Variants in FAT3 observed in about 807,000 individuals in gnomAD.
FAT3 encodes the protein protocadherin Fat 3.
In FAT3, 95 loss-of-function variants were observed where a neutral mutation model predicts 310.2. The observed-to-expected ratio is 0.31, with a 90% CI of 0.26 to 0.36. FAT3 has a LOEUF of 0.36. FAT3 is among the 10% of genes least tolerant of loss of function. FAT3 has a pLI of 1.00. For missense variants in FAT3, 5,408 were observed against 5,715.6 expected (o/e 0.95, Z 1.74); for synonymous variants, 2,314 against 2,192.9 (o/e 1.06, Z -1.54).
intron 2 of FAT3, among the ~76,000 whole-genome samples, chr11:92,390,499 T>A (rs1298202513): frequency 1.3e-5 from 2 of 152,124 alleles, no homozygotes; most frequent in Non-Finnish European, 2.9e-5. Flanking sequence ...CACCATCACT[T>A]ACCATGCCTT....
chr11:92,781,054 CT>C (rs60285736), intron 7 of FAT3, among the ~76,000 whole-genome samples: 107,128 of 144,042 alleles, frequency 0.74, 41,352 homozygotes, highest in Non-Finnish European at 0.84. Flanking sequence ...TAATAAGGTT[CT>C]TTTTTTTCTT....
chr11:92,655,947 T>C (rs937203952), intron 3 of FAT3, among the ~76,000 whole-genome samples: 1 of 152,184 alleles, frequency 6.6e-6, no homozygotes, highest in East Asian at 1.9e-4. Flanking sequence ...TTACTGTAAC[T>C]GAAACTTAAG....
chr11:92,857,186 G>T (rs1949001919), intron 19 of FAT3, 28 bp from the exon 20 acceptor site: 4 of 1,613,762 alleles, frequency 2.5e-6, no homozygotes, highest in Non-Finnish European at 3.4e-6. Flanking sequence ...TTTGTGTACT[G>T]ATCATGCATA....
At chr11:92,225,320 C>G (rs1193354107) in intron 1 of FAT3, among the ~76,000 whole-genome samples, 146 bp downstream of exon 1, 2 of 152,134 alleles carry the variant, frequency 1.3e-5, no homozygotes, top group Non-Finnish European at 2.9e-5. Flanking sequence ...GTGGGGGAAA[C>G]TTTTCACCTT....
intron 3 of FAT3, among the ~76,000 whole-genome samples, chr11:92,588,605 T>C (rs1939270214): frequency 6.6e-6 from 1 of 152,072 alleles, no homozygotes; most frequent in Admixed American, 6.6e-5. Flanking sequence ...AAAATGGGTA[T>C]TTATTCTGCC....
intron 4 of FAT3, among the ~76,000 whole-genome samples, chr11:92,754,593 A>T (rs1176604924): frequency 7.5e-6 from 1 of 132,862 alleles, no homozygotes; most frequent in Non-Finnish European, 1.5e-5. Context: ...GCACCATTGC[A>T]CTCCAGCCTG....
At chr11:92,345,510 A>C (rs551464730) in intron 1 of FAT3, among the ~76,000 whole-genome samples, 1 of 152,290 alleles carries the variant, frequency 6.6e-6, no homozygotes, top group East Asian at 1.9e-4. Flanking sequence ...ACCCCGGATC[A>C]ACAGAGTCAG....
At chr11:92,443,747 A>G (rs1176181528) in intron 2 of FAT3, among the ~76,000 whole-genome samples, 1 of 152,130 alleles carries the variant, frequency 6.6e-6, no homozygotes, top group African/African-American at 2.4e-5. Flanking sequence ...CTGAAGTGTC[A>G]TGGTGTAATG....
chr11:92,572,306 G>A (rs1352342146), intron 3 of FAT3, among the ~76,000 whole-genome samples: 2 of 152,140 alleles, frequency 1.3e-5, no homozygotes, highest in East Asian at 3.9e-4. Flanking sequence ...TAATTTTTAT[G>A]TACAAAAGCT....
chr11:92,607,182 AT>A (rs1237435662), intron 3 of FAT3, among the ~76,000 whole-genome samples: 3 of 152,094 alleles, frequency 2.0e-5, no homozygotes, highest in Non-Finnish European at 4.4e-5. Context: ...ATGGTTTGAA[AT>A]TTTCATTGGT....
chr11:92,657,749 G>A (rs1325527565), intron 3 of FAT3, among the ~76,000 whole-genome samples: 1 of 152,184 alleles, frequency 6.6e-6, no homozygotes, highest in East Asian at 1.9e-4. Context: ...CTAAGAACGG[G>A]TTGATGAAAT....
chr11:92,235,965 G>A lies in FAT3; in HGVS notation c.-18+10791G>A, dbSNP rs145989690. Among the ~76,000 whole-genome samples the A allele has an allele frequency of 2.7e-3, 406 of 152,304 alleles. 4 individuals are homozygous for A. The highest frequency in any genetic ancestry group is 9.3e-3 in the African/African-American group (386 of 41,574). On this transcript the variant is annotated intron_variant, in intron 1 of 27. Coordinates refer to ENST00000525166, the MANE Select transcript of FAT3 (RefSeq NM_001367949.2). ...TGGCGTTTGATGTTCACAGTCGAAG[G>A]TAAAATAGACTGGGAGGTAGGAGCA...
At chr11:92,727,094 T>G (rs1320404095) in intron 4 of FAT3, among the ~76,000 whole-genome samples, 1 of 152,190 alleles carries the variant, frequency 6.6e-6, no homozygotes, top group Non-Finnish European at 1.5e-5. Flanking sequence ...TTCGATTAAC[T>G]TCATAAACAG....
chr11:92,669,045 G>C (rs2135817292), intron 3 of FAT3, among the ~76,000 whole-genome samples: 1 of 152,268 alleles, frequency 6.6e-6, no homozygotes. Context: ...AAGATTACAG[G>C]GGGTCCTGTG....
intron 3 of FAT3, among the ~76,000 whole-genome samples, chr11:92,693,547 A>C (rs866496982): frequency 3.9e-5 from 6 of 152,164 alleles, no homozygotes; most frequent in Non-Finnish European, 7.4e-5. Flanking sequence ...AGCTACAACA[A>C]AGTTATTATA....
chr11:92,808,063 T>C (rs1947557817), intron 12 of FAT3, among the ~76,000 whole-genome samples: 2 of 152,332 alleles, frequency 1.3e-5, no homozygotes, highest in East Asian at 3.9e-4. Context: ...CATGGGAATA[T>C]ACTACTCAGC....
At position 92,565,402 on chromosome 11, in the gene FAT3, A is replaced by T. The variant is rs926798777; in HGVS notation, c.3607+40454A>T. ...AAATTGTGGCAATAATCAATAGCTT[A>T]CCAACCAAAAAGAGTCCAGGACCAG... is the stretch of plus-strand genomic sequence containing the variant. On this transcript the variant is annotated intron_variant, in intron 3 of 27. Coordinates refer to ENST00000525166, the MANE Select transcript of FAT3 (RefSeq NM_001367949.2). 6.2e-4 allele frequency among the ~76,000 whole-genome samples: 80 copies of T among 128,802 alleles called. 2 individuals are homozygous for T. Among genetic ancestry groups the T allele is most frequent in the African/African-American group, 2.1e-3 (78 of 37,768 alleles). 84.5% of individuals were successfully genotyped at this position (128,802 alleles called of 152,430 possible). A position where few individuals can be genotyped will look rare whatever the true frequency, so the allele number is the denominator to read the frequency against.
chr11:92,268,003 T>C (rs1024067054), intron 1 of FAT3, among the ~76,000 whole-genome samples: 3 of 150,340 alleles, frequency 2.0e-5, no homozygotes, highest in African/African-American at 7.4e-5. Context: ...ACCAGCATTA[T>C]AGGCTTTTAG....
At chr11:92,575,802 A>C (rs565011568) in intron 3 of FAT3, among the ~76,000 whole-genome samples, 1 of 152,172 alleles carries the variant, frequency 6.6e-6, no homozygotes, top group South Asian at 2.1e-4. Flanking sequence ...TAATCTAAAT[A>C]AGTTAATAGG....
Sources: gnomAD v4.1 joint callset for allele counts (sites outside exome capture counted in the v4.1 genomes callset) on GRCh38, gnomAD v4.1.1 for gene constraint, MANE v1.5 for transcripts, NCBI Gene and HGNC (gene_info 2026-07-23, HGNC 2026-07-21) for gene names.